Variants in HPX observed in about 807,000 individuals in gnomAD.
HPX encodes the protein beta-1B-glycoprotein.
HPX carries 42 observed loss-of-function variants against 53.8 expected under a neutral mutation model. The observed-to-expected ratio is 0.78, with a 90% CI of 0.61 to 1.01. HPX has a LOEUF of 1.01. Ranked by LOEUF, HPX falls within the 50% of genes least tolerant of loss-of-function variation. The pLI, the probability that HPX is intolerant of heterozygous loss-of-function variation, is 0.00. For missense variants in HPX, 547 were observed against 594.3 expected, an observed-to-expected ratio of 0.92 and a Z score of 0.83; for synonymous variants, 229 against 221.1, an observed-to-expected ratio of 1.04 and a Z score of -0.32.
chr11:6,432,229 A>G, intron 7 of HPX: 1 of 593,012 alleles, frequency 1.7e-6, no homozygotes, highest in Non-Finnish European at 3.0e-6. Context: ...CAGGTGCCTG[A>G]AAGAAAGGCA....
In HPX at chr11:6,437,158, C is replaced by A. The variant is rs751013946; in HGVS notation, c.723G>T (p.Gly241=). 40 of 1,613,744 alleles carry A rather than the reference C, an allele frequency of 2.5e-5. No homozygotes were observed. Among genetic ancestry groups the A allele is most frequent in the Non-Finnish European group, 5.1e-6 (6 of 1,179,884 alleles). The change falls in exon 7 of 10, where the codon GGG becomes GGT. Residue 241 remains glycine, a synonymous_variant. Coordinates refer to ENST00000265983, the MANE Select transcript of HPX (RefSeq NM_000613.3). ...GGTGGGTACTGTTCCCATGGCCAGT[C>A]CCATTCCTGTGTCCATGGCCTGGAG... is the stretch of plus-strand genomic sequence containing the variant. The part of the protein sequence containing the change: ...CPGRGHGHRN[G]TGHGNSTHHG...
At chr11:6,432,566 T>C (rs575659067) in intron 7 of HPX, among the ~76,000 whole-genome samples, 22 of 152,238 alleles carry the variant, frequency 1.4e-4, no homozygotes, top group Non-Finnish European at 8.8e-5. Flanking sequence ...ATTACACTTC[T>C]GTTTCCCTCA....
Position 6,440,191 on chromosome 11 carries a change from C to T in HPX, c.310G>A (p.Gly104Ser), listed in dbSNP as rs1186042350. The change falls in exon 4 of 10, where the codon GGT (glycine) becomes AGT (serine). Residue 104 changes from glycine (G) to serine (S), a missense_variant. Physicochemically the swap from Gly to Ser is moderately conservative, Grantham distance 56. Coordinates refer to ENST00000265983, the MANE Select transcript of HPX (RefSeq NM_000613.3). ...PSPVDAAFRQ[G>S]HNSVFLIKGD... The stretch of plus-strand genomic sequence containing the variant: ...TTGATCAGAAAGACACTGTTGTGAC[C>T]TTGACGGAATGCAGCATCCACAGGG... The T allele has an allele frequency of 1.2e-6, 2 of 1,613,968 alleles. No individual in the cohort carries two copies. Among genetic ancestry groups the T allele is most frequent in the African/African-American group, 2.7e-5 (2 of 74,874 alleles).
intron 7 of HPX, among the ~76,000 whole-genome samples, chr11:6,436,432 G>A (rs1849417092): frequency 6.6e-6 from 1 of 152,164 alleles, no homozygotes; most frequent in Admixed American, 6.5e-5. Flanking sequence ...TTTACCAATT[G>A]ATGCCACGGG....
At chr11:6,436,316 G>A (rs937522812) in intron 7 of HPX, among the ~76,000 whole-genome samples, 1 of 152,148 alleles carries the variant, frequency 6.6e-6, no homozygotes, top group Non-Finnish European at 1.5e-5. Context: ...TCTCAGGTTG[G>A]ATGTGATGTG....
intron 7 of HPX, 34 bp from the exon 8 acceptor site, chr11:6,432,051 G>A: frequency 6.2e-7 from 1 of 1,612,976 alleles, no homozygotes; most frequent in Non-Finnish European, 8.5e-7. Flanking sequence ...TAGGGCCGCT[G>A]GCAGAAGCCC....
chr11:6,440,092 C>CCT, intron 4 of HPX, 73 bp downstream of exon 4: 3 of 1,599,138 alleles, frequency 1.9e-6, no homozygotes, highest in Non-Finnish European at 2.6e-6. Flanking sequence ...CATGCCAAGG[C>CCT]CATTTGGGGG....
intron 9 of HPX, 51 bp from the exon 10 acceptor site, chr11:6,431,521 G>A: frequency 2.5e-6 from 4 of 1,610,622 alleles, no homozygotes; most frequent in Non-Finnish European, 3.4e-6. Context: ...TGGGGATCCT[G>A]ACCTAGGCCT....
intron 7 of HPX, among the ~76,000 whole-genome samples, chr11:6,433,178 T>G (rs1250449909): frequency 6.6e-6 from 1 of 152,204 alleles, no homozygotes; most frequent in Non-Finnish European, 1.5e-5. Flanking sequence ...ATATCATTCA[T>G]TCATTCATTT....
Position 6,432,147 on chromosome 11 carries a change from G to A in HPX, c.836-130C>T. The A allele has an allele frequency of 1.0e-6, 1 of 987,910 alleles. No homozygotes were observed. The highest frequency in any genetic ancestry group is 1.5e-6 in the Non-Finnish European group (1 of 658,052). The allele number at this position is 987,910 out of a possible 1,614,324, so 61.2% of individuals were successfully genotyped here. A position where few individuals can be genotyped will look rare whatever the true frequency, so the allele number is the denominator to read the frequency against. On this transcript the variant is annotated intron_variant, in intron 7 of 9. Coordinates refer to ENST00000265983, the MANE Select transcript of HPX (RefSeq NM_000613.3). ...CAGAGGCCAAGATGGAAGAGGCCAG[G>A]TGAGAAGGAGAAATAGAGCAAGACT...
Position 6,431,761 on chromosome 11 carries a change from G to T in HPX, c.1009C>A (p.Leu337Ile). The change falls in exon 9 of 10, where the codon CTA (leucine) becomes ATA (isoleucine). Residue 337 changes from leucine to isoleucine, a missense_variant. By Grantham distance (5) the Leu-to-Ile change is conservative. Coordinates refer to ENST00000265983, the MANE Select transcript of HPX (RefSeq NM_000613.3). ...YVFLTKGGYT[L>I]VSGYPKRLEK... The stretch of plus-strand genomic sequence containing the variant: ...AGCCGCTTCGGATAACCGCTTACTA[G>T]GGTATAGCCTCCCTTTGTCAGGAAG... 6.2e-7 allele frequency: 1 copy of T among 1,614,202 alleles called. No individual in the cohort carries two copies. Among genetic ancestry groups the T allele is most frequent in the Non-Finnish European group, 8.5e-7 (1 of 1,180,036 alleles).
At position 6,431,376 on chromosome 11, in the gene HPX, A is replaced by T; in HGVS notation, c.1224T>A (p.Cys408Ter). 5.0e-6 allele frequency: 8 copies of T among 1,614,240 alleles called. No individual in the cohort carries two copies. Among genetic ancestry groups the T allele is most frequent in the Non-Finnish European group, 5.9e-6 (7 of 1,180,038 alleles). The change falls in exon 10 of 10, where the codon TGT (cysteine) becomes TGA (stop). Residue 408 changes from cysteine (C) to a stop codon, truncating the protein, a stop_gained. Transcript: ENST00000265983. LOFTEE classifies it high-confidence loss of function. ...WPHEKVDGAL[C>*]MEKSLGPNSC... ...AGTTAGGGCCAAGGGACTTTTCCAT[A>T]CACAAGGCTCCGTCTACCTTCTCAT... is the stretch of plus-strand genomic sequence containing the variant.
intron 7 of HPX, among the ~76,000 whole-genome samples, chr11:6,434,157 C>T (rs1175991700): frequency 6.6e-6 from 1 of 152,130 alleles, no homozygotes; most frequent in Admixed American, 6.5e-5. Context: ...ACAATGCCCA[C>T]TTCTTATCAG....
At chr11:6,440,376 A>T in intron 3 of HPX, 90 bp from the exon 4 acceptor site, 1 of 1,598,992 alleles carries the variant, frequency 6.3e-7, no homozygotes, top group Non-Finnish European at 8.6e-7. Flanking sequence ...ATACCATCAG[A>T]TAATTCCTAA....
At position 6,433,600 on chromosome 11, in the gene HPX, G is replaced by A. The variant is rs61602403; in HGVS notation, c.836-1583C>T. ...TCACCTCTAATTTGGACAACTGCAC[G>A]GATTGCTAGCTGGATTCCTTGCTTA... On this transcript the variant is annotated intron_variant, in intron 7 of 9. Coordinates refer to ENST00000265983, the MANE Select transcript of HPX (RefSeq NM_000613.3). Among the ~76,000 whole-genome samples the A allele has an allele frequency of 4.2e-3, 646 of 152,238 alleles. 8 individuals are homozygous for A. The highest frequency in any genetic ancestry group is 0.015 in the African/African-American group (623 of 41,502).
intron 7 of HPX, among the ~76,000 whole-genome samples, chr11:6,435,732 A>T (rs1849407805): frequency 6.6e-6 from 1 of 152,262 alleles, no homozygotes; most frequent in African/African-American, 2.4e-5. Flanking sequence ...CTAGGATTAC[A>T]GGCGTGACTC....
Position 6,440,913 on chromosome 11 carries a change from G to A in HPX, c.51C>T (p.Cys17=). ...APVALGLWSL[C]WSLAIATPLP... is the part of the protein sequence containing the mutation. ...GAGGGGTGGCAATGGCCAGAGACCA[G>A]CATAGGCTCCACAACCCCAGTGCAA... The change falls in exon 1 of 10, where the codon TGC becomes TGT. Residue 17 remains cysteine, a synonymous_variant. Transcript: ENST00000265983. 1 of 1,612,814 alleles carries A rather than the reference G, an allele frequency of 6.2e-7. No individual in the cohort carries two copies. Among genetic ancestry groups the A allele is most frequent in the Non-Finnish European group, 8.5e-7 (1 of 1,179,398 alleles).
chr11:6,431,744 C>A lies in HPX; in HGVS notation c.1026G>T (p.Pro342=). ...KGGYTLVSGY[P]KRLEKEVGTP... ...TCCCGACTTCCTTCTCCAGCCGCTT[C>A]GGATAACCGCTTACTAGGGTATAGC... is the stretch of plus-strand genomic sequence containing the variant. Residue 342 remains proline, a synonymous_variant, in exon 9 of 10, where the codon CCG becomes CCT. Transcript: ENST00000265983. The A allele has an allele frequency of 6.2e-7, 1 of 1,614,192 alleles. No homozygotes were observed. Among genetic ancestry groups the A allele is most frequent in the Non-Finnish European group, 8.5e-7 (1 of 1,180,032 alleles).
In HPX at chr11:6,440,098, G is replaced by T. The variant is rs745674569; in HGVS notation, c.336+67C>A. 6 of 1,603,044 alleles carry T rather than the reference G, an allele frequency of 3.7e-6. No homozygotes were observed. In the Admixed American group the frequency reaches 6.7e-5, roughly 18 times the overall value. The stretch of plus-strand genomic sequence containing the variant: ...TATGGGCTCCATGCCAAGGCCATTT[G>T]GGGGAAGGGTCCCCAGTGTCGATTC... On this transcript the variant is annotated intron_variant, in intron 4 of 9. Transcript: ENST00000265983.
Sources: allele counts gnomAD v4.1 joint callset (sites outside exome capture counted in the v4.1 genomes callset), GRCh38; gene constraint gnomAD v4.1.1; transcripts MANE v1.5; gene names NCBI Gene and HGNC (gene_info 2026-07-23, HGNC 2026-07-21).